Variants in PGM2L1 observed in about 807,000 individuals in gnomAD.
PGM2L1 encodes the protein phosphoglucomutase 2 like 1.
In PGM2L1, 35 loss-of-function variants were observed where a neutral mutation model predicts 73.4. The ratio of observed to expected loss-of-function variants is 0.48; its 90% CI spans 0.36 to 0.63. PGM2L1 has a LOEUF of 0.63. Ranked by LOEUF, PGM2L1 falls within the 30% of genes least tolerant of loss-of-function variation. PGM2L1 has a pLI of 0.00. For synonymous variants in PGM2L1, 225 were observed against 253.8 expected (o/e 0.89, Z 1.08); for missense variants, 570 against 742.0 (o/e 0.77, Z 2.69).
chr11:74,338,758 G>T (rs1274687958), intron 12 of PGM2L1, among the ~76,000 whole-genome samples, 157 bp from the exon 13 acceptor site: 2 of 152,220 alleles, frequency 1.3e-5, no homozygotes, highest in African/African-American at 4.8e-5. Context: ...AAGGCAGGGG[G>T]TATAGGGAGT....
At position 74,338,599 on chromosome 11, in the gene PGM2L1, C is replaced by T. The variant is rs781705817; in HGVS notation, c.1635G>A (p.Val545=). 3 of 1,589,318 alleles carry T rather than the reference C, an allele frequency of 1.9e-6. No homozygotes were observed. The East Asian group carries it at 6.7e-5, about 36-fold the overall frequency. ...YDSSQPNKKS[V]LPVSKNSQMI... ...TTTGGCTGTTTTTACTCACAGGCAG[C>T]ACCTATGCAAAATGGCAACAACAGC... The change falls in exon 13 of 14, where the codon GTG becomes GTA. Residue 545 remains valine, a splice_region_variant and synonymous_variant. Transcript: ENST00000298198.
At position 74,336,601 on chromosome 11, in the gene PGM2L1, G is replaced by T. The variant is rs370535898; in HGVS notation, c.*51C>A. 3 of 1,240,530 alleles carry T rather than the reference G, an allele frequency of 2.4e-6. No individual in the cohort carries two copies. The highest frequency in any genetic ancestry group is 3.4e-6 in the Non-Finnish European group (3 of 876,040). The allele number at this position is 1,240,530 out of a possible 1,614,324, so 76.8% of individuals were successfully genotyped here. A position where few individuals can be genotyped will look rare whatever the true frequency, so the allele number is the denominator to read the frequency against. On this transcript the variant is annotated 3_prime_UTR_variant, in exon 14 of 14. Coordinates refer to ENST00000298198, the MANE Select transcript of PGM2L1 (RefSeq NM_173582.6). ...ACAAGGTTCAATGTATGCAGTTCTC[G>T]GTTGCTCTGTTCCATATGCCCACAC...
chr11:74,355,861 C>G (rs990885103), intron 5 of PGM2L1: 2 of 423,186 alleles, frequency 4.7e-6, no homozygotes, highest in Non-Finnish European at 9.4e-6. Context: ...ATATTTTAGA[C>G]AAATACTCAT....
At chr11:74,371,083 A>C in intron 3 of PGM2L1, 97 bp from the exon 4 acceptor site, 1 of 855,900 alleles carries the variant, frequency 1.2e-6, no homozygotes. Flanking sequence ...AGTCTGAATA[A>C]ATAGTATCCT....
At chr11:74,354,796 C>T in intron 5 of PGM2L1, 2 of 946,086 alleles carry the variant, frequency 2.1e-6, no homozygotes, top group Admixed American at 3.4e-5. Context: ...CCCTGAAGAA[C>T]ATCACCTAAG....
chr11:74,336,558 TAGAG>T lies in PGM2L1; in HGVS notation c.*90_*93del. The T allele has an allele frequency of 2.8e-6, 2 of 711,328 alleles. No individual in the cohort carries two copies. Among genetic ancestry groups the T allele is most frequent in the Non-Finnish European group, 4.4e-6 (2 of 452,334 alleles). 44.1% of individuals were successfully genotyped at this position (711,328 alleles called of 1,614,324 possible). On this transcript the variant is annotated 3_prime_UTR_variant, in exon 14 of 14. Transcript: ENST00000298198. ...GAAAAAGATACTCGGCCAGATGAGA[TAGAG>T]AGAGAATGCTAACACAAGGTTCAAT...
chr11:74,371,909 G>T, intron 2 of PGM2L1, 92 bp from the exon 3 acceptor site: 3 of 1,106,176 alleles, frequency 2.7e-6, no homozygotes, highest in Non-Finnish European at 4.1e-6. Flanking sequence ...CTGTGCAGCT[G>T]ACTGGCTGCT....
chr11:74,377,959 AG>A (rs1156653019), intron 1 of PGM2L1, among the ~76,000 whole-genome samples: 1 of 151,658 alleles, frequency 6.6e-6, no homozygotes, highest in Non-Finnish European at 1.5e-5. Context: ...AAAAAAAAAA[AG>A]AGGAGGAAGA....
At chr11:74,364,427 C>A (rs1220313229) in intron 5 of PGM2L1, among the ~76,000 whole-genome samples, 1 of 152,200 alleles carries the variant, frequency 6.6e-6, no homozygotes, top group Non-Finnish European at 1.5e-5. Flanking sequence ...GTCAAATTGT[C>A]CCTGTTTGCA....
rs1200531440 is a variant in PGM2L1 at position 74,398,382 on chromosome 11, CTG to C, written c.-223_-222del. On this transcript the variant is annotated 5_prime_UTR_variant, in exon 1 of 14. Coordinates refer to ENST00000298198, the MANE Select transcript of PGM2L1 (RefSeq NM_173582.6). ...TCCCCAGCGGACCAGGTCCGGGTCT[CTG>C]GGCGAAGTGACTGAGGCGGTCGCGC... 1 of 604,828 alleles carries C rather than the reference CTG, an allele frequency of 1.7e-6. No homozygotes were observed. The highest frequency in any genetic ancestry group is 2.5e-6 in the Non-Finnish European group (1 of 398,910). 37.5% of individuals were successfully genotyped at this position (604,828 alleles called of 1,614,324 possible).
intron 1 of PGM2L1, among the ~76,000 whole-genome samples, chr11:74,381,803 G>A (rs1236458918): frequency 6.6e-6 from 1 of 151,960 alleles, no homozygotes; most frequent in Non-Finnish European, 1.5e-5. Flanking sequence ...GTGGAGCAAG[G>A]AGGGTGAGGA....
At chr11:74,347,893 A>C (rs1396467461) in intron 6 of PGM2L1, among the ~76,000 whole-genome samples, 1 of 152,178 alleles carries the variant, frequency 6.6e-6, no homozygotes, top group Non-Finnish European at 1.5e-5. Context: ...TGGACACCCA[A>C]TGCTGCCAGG....
chr11:74,390,158 G>T (rs1863078905), intron 1 of PGM2L1, among the ~76,000 whole-genome samples: 1 of 63,520 alleles, frequency 1.6e-5, no homozygotes, highest in African/African-American at 6.2e-5. Flanking sequence ...TAAACAAACA[G>T]CTTTTATGAA....
chr11:74,345,466 T>C lies in PGM2L1; in HGVS notation c.1218+3A>G. The C allele has an allele frequency of 2.5e-6, 4 of 1,601,610 alleles. No individual in the cohort carries two copies. Among genetic ancestry groups the C allele is most frequent in the Non-Finnish European group, 3.4e-6 (4 of 1,170,302 alleles). On this transcript the variant is annotated splice_donor_region_variant and intron_variant, in intron 9 of 13. Transcript: ENST00000298198. Reference sequence around the variant, plus strand: ...GTAGCACACAGATATTATTGATTCTTACTTCAAAATGAAATCCTTCTTTAA... The same window carrying C: ...GTAGCACACAGATATTATTGATTCTCACTTCAAAATGAAATCCTTCTTTAA...
chr11:74,392,864 G>A (rs1043480576), intron 1 of PGM2L1, among the ~76,000 whole-genome samples: 4 of 152,124 alleles, frequency 2.6e-5, no homozygotes, highest in African/African-American at 7.2e-5. Flanking sequence ...TTTTAATGAG[G>A]GCCTTGAAAC....
At chr11:74,396,679 G>A (rs1863182011) in intron 1 of PGM2L1, among the ~76,000 whole-genome samples, 1 of 152,188 alleles carries the variant, frequency 6.6e-6, no homozygotes, top group South Asian at 2.1e-4. Flanking sequence ...CTCCCAAAGT[G>A]CTGGAATTAC....
At chr11:74,375,487 C>A (rs1862841203) in intron 1 of PGM2L1, among the ~76,000 whole-genome samples, 2 of 152,136 alleles carry the variant, frequency 1.3e-5, no homozygotes, top group Admixed American at 1.3e-4. Flanking sequence ...AACATAACTT[C>A]TCTCTTCAAG....
rs1175800796 is a variant in PGM2L1 at position 74,370,912 on chromosome 11, G to A, written c.461C>T (p.Thr154Ile). 2 of 1,610,334 alleles carry A rather than the reference G, an allele frequency of 1.2e-6. No individual in the cohort carries two copies. Among genetic ancestry groups the A allele is most frequent in the Non-Finnish European group, 1.7e-6 (2 of 1,176,896 alleles). The change falls in exon 4 of 14, where the codon ACA (threonine) becomes ATA (isoleucine). Residue 154 changes from threonine to isoleucine, a missense_variant. Coordinates refer to ENST00000298198, the MANE Select transcript of PGM2L1 (RefSeq NM_173582.6). ...PVYLFSRYVP[T>I]PFVPYAVQKL... ...ACACAACACACTTACTACAAAAGGTGTAGGAACATATCTTGAAAAAAGGTA... is the reference window on the plus strand; with the variant it reads ...ACACAACACACTTACTACAAAAGGTATAGGAACATATCTTGAAAAAAGGTA...
rs60942292 is a variant in PGM2L1 at position 74,371,681 on chromosome 11, A to G, written c.386+30T>C. 9,579 of 1,570,568 alleles carry G rather than the reference A, an allele frequency of 6.1e-3. 511 individuals are homozygous for G. In the African/African-American group the frequency reaches 0.11, roughly 19 times the overall value. On this transcript the variant is annotated intron_variant, in intron 3 of 13. Coordinates refer to ENST00000298198, the MANE Select transcript of PGM2L1 (RefSeq NM_173582.6). ...TTTAAATATGTTTTATTCTATTTCA[A>G]CTTAATCTTTGAAACAATTAACTTT...
Sources: allele counts gnomAD v4.1 joint callset (sites outside exome capture counted in the v4.1 genomes callset), GRCh38; gene constraint gnomAD v4.1.1; transcripts MANE v1.5; gene names NCBI Gene and HGNC (gene_info 2026-07-23, HGNC 2026-07-21).